LGSN: variants seen among roughly 807,000 people sequenced by gnomAD.
The protein encoded by LGSN is lengsin.
A neutral mutation model predicts 19.5 loss-of-function variants in LGSN; 21 were observed. The observed-to-expected ratio is 1.07, with a 90% CI of 0.76 to 1.55. The LOEUF (loss-of-function observed/expected upper bound fraction) is 1.55. Among genes scored for constraint, LGSN ranks in the 40% most tolerant of loss-of-function variants. The pLI is 0.00. For synonymous variants in LGSN, 257 were observed against 215.6 expected (o/e 1.19, Z -1.68); for missense variants, 673 against 608.5 (o/e 1.11, Z -1.12).
the LGSN span, chr6:63,528,062 G>C: frequency 6.6e-6 from 1 of 152,330 alleles, no homozygotes; most frequent in African/African-American, 2.4e-5. Context: ...GGCTATGGGA[G>C]AAGGAAGGCA....
chr6:63,538,586 G>T, the LGSN span, among the ~76,000 whole-genome samples: 2 of 152,160 alleles, frequency 1.3e-5, no homozygotes, highest in Admixed American at 6.5e-5. Flanking sequence ...ATATAAAATA[G>T]TGCAAATACC....
At chr6:63,481,811 C>A in the LGSN span, 24 of 311,550 alleles carry the variant, frequency 7.7e-5, no homozygotes, top group Non-Finnish European at 1.5e-4. Flanking sequence ...AACAGATATG[C>A]GGGAGGAGCA....
intron 2 of LGSN, among the ~76,000 whole-genome samples, chr6:63,287,015 T>A (rs1013196138): frequency 6.6e-6 from 1 of 152,190 alleles, no homozygotes; most frequent in Admixed American, 6.5e-5. Context: ...TCTCACATCA[T>A]TGATGTTGAG....
At chr6:63,415,139 G>C in the LGSN span, among the ~76,000 whole-genome samples, 1 of 151,862 alleles carries the variant, frequency 6.6e-6, no homozygotes, top group Non-Finnish European at 1.5e-5. Flanking sequence ...GAGCAACATG[G>C]AGAAACCCTG....
At chr6:63,484,751 A>G in the LGSN span, among the ~76,000 whole-genome samples, 4 of 152,250 alleles carry the variant, frequency 2.6e-5, no homozygotes, top group African/African-American at 9.6e-5. Context: ...TACCCAAAGC[A>G]TTATACTGGC....
At chr6:63,307,460 T>C (rs1768436212) in intron 1 of LGSN, among the ~76,000 whole-genome samples, 2 of 152,210 alleles carry the variant, frequency 1.3e-5, no homozygotes, top group Admixed American at 1.3e-4. Flanking sequence ...TAGGGCCAGG[T>C]ACTAGTTCTT....
At chr6:63,433,040 G>C in the LGSN span, among the ~76,000 whole-genome samples, 1 of 152,094 alleles carries the variant, frequency 6.6e-6, no homozygotes, top group Non-Finnish European at 1.5e-5. Context: ...ATAATGAAGG[G>C]ACATCTCTTT....
At chr6:63,551,833 G>T in the LGSN span, among the ~76,000 whole-genome samples, 10 of 152,090 alleles carry the variant, frequency 6.6e-5, no homozygotes, top group Non-Finnish European at 1.2e-4. Context: ...GAGAATGATG[G>T]TTTCCAGCTT....
chr6:63,555,320 C>T, the LGSN span, among the ~76,000 whole-genome samples: 2 of 152,066 alleles, frequency 1.3e-5, no homozygotes, highest in East Asian at 1.9e-4. Context: ...CGGAGAGTTC[C>T]CTGGAAATTA....
At chr6:63,549,124 G>A in the LGSN span, 4 of 691,180 alleles carry the variant, frequency 5.8e-6, no homozygotes, top group Admixed American at 4.3e-5. Flanking sequence ...CTCTTAGTGG[G>A]GATGCCCCCT....
intron 3 of LGSN, 104 bp from the exon 4 acceptor site, chr6:63,281,324 TATATATAATAA>T: frequency 5.9e-6 from 1 of 168,450 alleles, no homozygotes; most frequent in Non-Finnish European, 1.2e-5. Flanking sequence ...TATATATATA[TATATATAATAA>T]ATATATATAT....
At chr6:63,430,722 G>T in the LGSN span, among the ~76,000 whole-genome samples, 1 of 152,084 alleles carries the variant, frequency 6.6e-6, no homozygotes, top group Admixed American at 6.6e-5. Flanking sequence ...GAGTGAAATC[G>T]TGTTCCCTGC....
chr6:63,545,782 C>G, the LGSN span, among the ~76,000 whole-genome samples: 1 of 152,044 alleles, frequency 6.6e-6, no homozygotes, highest in Admixed American at 6.6e-5. Context: ...ATCCAATACT[C>G]TGAGATTCAT....
At chr6:63,406,323 C>G in the LGSN span, among the ~76,000 whole-genome samples, 3 of 152,130 alleles carry the variant, frequency 2.0e-5, no homozygotes, top group Admixed American at 6.5e-5. Context: ...TTATAACAAA[C>G]TGTCTCTCAG....
At chr6:63,515,163 T>C in the LGSN span, among the ~76,000 whole-genome samples, 3 of 152,112 alleles carry the variant, frequency 2.0e-5, no homozygotes, top group African/African-American at 7.2e-5. Flanking sequence ...TCACCATGCC[T>C]GGCTTGAGCA....
chr6:63,444,815 C>G, the LGSN span, among the ~76,000 whole-genome samples: 3 of 152,102 alleles, frequency 2.0e-5, no homozygotes, highest in Non-Finnish European at 4.4e-5. Flanking sequence ...TAGATGGAGC[C>G]TTTTTTCCCA....
chr6:63,354,732 A>G, the LGSN span, among the ~76,000 whole-genome samples: 1 of 152,190 alleles, frequency 6.6e-6, no homozygotes, highest in Non-Finnish European at 1.5e-5. Context: ...CAGAGAATCA[A>G]CCTGTGTTCA....
chr6:63,296,460 C>A (rs1486605117), intron 1 of LGSN, among the ~76,000 whole-genome samples: 2 of 151,052 alleles, frequency 1.3e-5, no homozygotes, highest in African/African-American at 2.4e-5. Flanking sequence ...TATAATTTTA[C>A]TTTTGTTAAA....
the LGSN span, among the ~76,000 whole-genome samples, chr6:63,469,639 G>A: frequency 6.6e-6 from 1 of 152,106 alleles, no homozygotes; most frequent in African/African-American, 2.4e-5. Context: ...AGTTAACTTA[G>A]GGCTCTGATT....
Sources: gnomAD v4.1 joint callset for allele counts (sites outside exome capture counted in the v4.1 genomes callset) on GRCh38, gnomAD v4.1.1 for gene constraint, MANE v1.5 for transcripts, NCBI Gene and HGNC (gene_info 2026-07-23, HGNC 2026-07-21) for gene names.